The following LRP1B variants were observed in gnomAD, a reference collection of about 807,000 sequenced individuals.
The protein encoded by LRP1B is LDL receptor related protein 1B.
In LRP1B, 217 loss-of-function variants were observed where a neutral mutation model predicts 556.6. The observed-to-expected ratio is 0.39, with a 90% CI of 0.35 to 0.44. The LOEUF (loss-of-function observed/expected upper bound fraction) is 0.44, where lower values mean the gene tolerates loss of function less well. Ranked by LOEUF, LRP1B falls within the 20% of genes least tolerant of loss-of-function variation. LRP1B has a pLI of 1.00. For missense variants in LRP1B, 5,053 were observed against 5,620.8 expected (o/e 0.90, Z 3.23); for synonymous variants, 2,047 against 1,865.8 (o/e 1.10, Z -2.50).
chr2:140,765,826 T>C (rs1315560776), intron 35 of LRP1B, among the ~76,000 whole-genome samples: 2 of 152,144 alleles, frequency 1.3e-5, no homozygotes, highest in Admixed American at 1.3e-4. Context: ...TGATAAATTA[T>C]GATACTTGTA....
rs1383091677 is a variant in LRP1B, at chr2:140,997,655, C to G, written c.2504-3520G>C. Among the ~76,000 whole-genome samples the G allele has an allele frequency of 2.6e-5, 4 of 151,806 alleles. No individual in the cohort carries two copies. In the East Asian group the frequency reaches 7.8e-4, roughly 29 times the overall value. The stretch of plus-strand genomic sequence containing the variant: ...GAACAAAAAAAATAAAATAAAATGT[C>G]TTTCTATTATTTCTGCTTATCTAAT... On this transcript the variant is annotated intron_variant, in intron 15 of 90. Transcript: ENST00000389484.
At chr2:140,791,800 G>T (rs969925262) in intron 32 of LRP1B, among the ~76,000 whole-genome samples, 1 of 122,586 alleles carries the variant, frequency 8.2e-6, no homozygotes, top group African/African-American at 3.0e-5. Flanking sequence ...TATGAACATA[G>T]CCATTGAAGG....
intron 11 of LRP1B, among the ~76,000 whole-genome samples, chr2:141,026,217 C>A (rs1427254479): frequency 1.3e-5 from 2 of 152,018 alleles, no homozygotes; most frequent in African/African-American, 2.4e-5. Flanking sequence ...GTAAATTATT[C>A]AATCTCTTTC....
At chr2:141,796,578 C>CTCT (rs1238977854) in intron 2 of LRP1B, among the ~76,000 whole-genome samples, 1 of 127,576 alleles carries the variant, frequency 7.8e-6, no homozygotes, top group African/African-American at 2.9e-5. Context: ...GCATTTTATT[C>CTCT]TTTTTTTTTT....
intron 7 of LRP1B, among the ~76,000 whole-genome samples, chr2:141,171,849 G>A (rs568662470): frequency 6.6e-6 from 1 of 152,150 alleles, no homozygotes; most frequent in East Asian, 1.9e-4. Context: ...GATCAATGTG[G>A]AAGAAATTCT....
chr2:140,270,487 G>A (rs1682407728), intron 85 of LRP1B, 141 bp from the exon 86 acceptor site: 1 of 588,650 alleles, frequency 1.7e-6, no homozygotes, highest in South Asian at 2.3e-5. Context: ...TTTTCAGGAA[G>A]TCTGACTCAC....
At chr2:141,369,324 A>G (rs913965074) in intron 3 of LRP1B, among the ~76,000 whole-genome samples, 2 of 152,140 alleles carry the variant, frequency 1.3e-5, no homozygotes, top group African/African-American at 4.8e-5. Flanking sequence ...TTACATCAAG[A>G]GATAGGTAAC....
intron 7 of LRP1B, among the ~76,000 whole-genome samples, chr2:141,079,467 CAAGTA>C (rs1028340135): frequency 6.6e-6 from 1 of 152,174 alleles, no homozygotes; most frequent in African/African-American, 2.4e-5. Flanking sequence ...ATAGCACACC[CAAGTA>C]AAGTGCTACA....
intron 2 of LRP1B, among the ~76,000 whole-genome samples, chr2:141,513,347 A>G (rs1471218547): frequency 2.6e-5 from 4 of 152,086 alleles, no homozygotes; most frequent in Admixed American, 2.6e-4. Context: ...AAGTTATTTT[A>G]ATTTCAATTT....
chr2:140,410,343 G>T (rs985220523), intron 66 of LRP1B, among the ~76,000 whole-genome samples: 1 of 151,676 alleles, frequency 6.6e-6, no homozygotes, highest in Non-Finnish European at 1.5e-5. Context: ...AGTCAACAAA[G>T]TATTGATTTT....
chr2:140,705,762 T>G (rs11883678), intron 37 of LRP1B, among the ~76,000 whole-genome samples: 30,881 of 151,990 alleles, frequency 0.2, 3,468 homozygotes, highest in African/African-American at 0.3. Context: ...ATTCTTTTCC[T>G]GTGGAAAACA....
chr2:140,833,333 G>C (rs1464771481), intron 31 of LRP1B, among the ~76,000 whole-genome samples: 1 of 152,156 alleles, frequency 6.6e-6, no homozygotes, highest in Non-Finnish European at 1.5e-5. Flanking sequence ...AAACTATGTG[G>C]CAGTAGGAGG....
intron 2 of LRP1B, among the ~76,000 whole-genome samples, chr2:141,631,280 C>A (rs1010543248): frequency 1.3e-5 from 2 of 152,114 alleles, no homozygotes; most frequent in African/African-American, 4.8e-5. Context: ...TTACCTCCCA[C>A]TGGGTCTCTT....
rs771503921 is a variant in LRP1B at position 140,844,968 on chromosome 2, C to T, written c.4940-3876G>A. ...TTGCTCAGTGTAAAAGGGTTCAATC[C>T]TTAAACTTACAAAGAATGGGTGAGC... On this transcript the variant is annotated intron_variant, in intron 29 of 90. Transcript: ENST00000389484. Among the ~76,000 whole-genome samples, 86 of 152,102 alleles carry T rather than the reference C, an allele frequency of 5.7e-4. 1 individual carries two copies. The highest frequency in any genetic ancestry group is 2.6e-3 in the Admixed American group (39 of 15,264).
intron 2 of LRP1B, among the ~76,000 whole-genome samples, chr2:141,750,505 G>T (rs913721896): frequency 2.0e-5 from 3 of 152,032 alleles, no homozygotes; most frequent in Non-Finnish European, 2.9e-5. Flanking sequence ...GGACTCCACC[G>T]CTAGTCCTTT....
intron 7 of LRP1B, among the ~76,000 whole-genome samples, chr2:141,108,432 T>G (rs1176339408): frequency 3.1e-5 from 4 of 129,016 alleles, no homozygotes; most frequent in Admixed American, 2.9e-4. Flanking sequence ...CACTGCAACC[T>G]CCTCCTCCCA....
chr2:141,645,045 GACT>G (rs914909393), intron 2 of LRP1B, among the ~76,000 whole-genome samples: 1 of 152,038 alleles, frequency 6.6e-6, no homozygotes, highest in Non-Finnish European at 1.5e-5. Context: ...ATGATATAAT[GACT>G]ACTTTTCTAA....
At chr2:140,771,079 A>C in intron 33 of LRP1B, 73 bp from the exon 34 acceptor site, 1 of 1,082,292 alleles carries the variant, frequency 9.2e-7, no homozygotes, top group East Asian at 2.9e-5. Flanking sequence ...TAACGTCAAT[A>C]ATTTGACAAA....
chr2:140,534,968 C>T (rs1034603465), intron 46 of LRP1B, among the ~76,000 whole-genome samples: 4 of 152,134 alleles, frequency 2.6e-5, no homozygotes, highest in African/African-American at 9.7e-5. Flanking sequence ...AAGATTTAAC[C>T]TCAGGTGTGA....
Sources: gnomAD v4.1 joint callset for allele counts (sites outside exome capture counted in the v4.1 genomes callset) on GRCh38, gnomAD v4.1.1 for gene constraint, MANE v1.5 for transcripts, NCBI Gene and HGNC (gene_info 2026-07-23, HGNC 2026-07-21) for gene names.